ZNF578: variants seen among roughly 807,000 people sequenced by gnomAD.
ZNF578 encodes the protein zinc finger protein 578.
A neutral mutation model predicts 8.3 loss-of-function variants in ZNF578; 8 were observed. The observed-to-expected ratio is 0.96, with a 90% CI of 0.56 to 1.74. ZNF578 has a LOEUF of 1.74. Ranked by LOEUF, ZNF578 falls within the 40% of genes most tolerant of loss-of-function variation. The pLI is 0.00. For synonymous variants in ZNF578, 206 were observed against 232.2 expected (o/e 0.89, Z 1.03); for missense variants, 726 against 707.5 (o/e 1.03, Z -0.30).
At chr19:52,460,640 A>C (rs183207164) in intron 2 of ZNF578, among the ~76,000 whole-genome samples, 1 of 152,154 alleles carries the variant, frequency 6.6e-6, no homozygotes, top group South Asian at 2.1e-4. Context: ...AAAAACTTTA[A>C]GTTGGATGTA....
Position 52,512,395 on chromosome 19 carries a change from C to A in ZNF578, c.*241C>A, listed in dbSNP as rs2059452620. 8.8e-6 allele frequency: 13 copies of A among 1,477,966 alleles called. No homozygotes were observed. The South Asian group carries it at 1.2e-4, about 14-fold the overall frequency. The allele number at this position is 1,477,966 out of a possible 1,614,324, so 91.6% of individuals were successfully genotyped here. ...CAGTAACGCTACAACGATTGCAAAT[C>A]ATTGGAGAATCCATAATGAAGAGAG... On this transcript the variant is annotated 3_prime_UTR_variant, in exon 6 of 6. Coordinates refer to ENST00000421239, the MANE Select transcript of ZNF578 (RefSeq NM_001099694.2).
At chr19:52,501,714 G>A (rs1199204451) in intron 3 of ZNF578, 113 bp from the exon 4 acceptor site, 3 of 1,009,840 alleles carry the variant, frequency 3.0e-6, no homozygotes, top group African/African-American at 3.3e-5. Flanking sequence ...GGTGCAGTGG[G>A]CAGTGGGGGG....
intron 2 of ZNF578, among the ~76,000 whole-genome samples, chr19:52,471,945 T>TCATAAGG (rs11281209): frequency 6.6e-6 from 1 of 151,978 alleles, no homozygotes; most frequent in East Asian, 1.9e-4. Flanking sequence ...ATGTCACTAA[T>TCATAAGG]ACGAAAAAGA....
chr19:52,486,169 GTT>G lies in ZNF578; in HGVS notation c.-121-5153_-121-5152del, dbSNP rs369200313. Among the ~76,000 whole-genome samples the G allele has an allele frequency of 1.7e-3, 254 of 152,324 alleles. 1 individual carries two copies. Among genetic ancestry groups the G allele is most frequent in the South Asian group, 0.013 (64 of 4,824 alleles). On this transcript the variant is annotated intron_variant, in intron 2 of 5. Transcript: ENST00000421239. ...ATACTGCTCTTTAAGGCATTGAGGT[GTT>G]TATGTATATGCACATCAAAGGCACA... is the stretch of plus-strand genomic sequence containing the variant.
intron 2 of ZNF578, among the ~76,000 whole-genome samples, chr19:52,465,216 CG>C (rs1166180972): frequency 6.6e-6 from 1 of 151,988 alleles, no homozygotes; most frequent in Non-Finnish European, 1.5e-5. Flanking sequence ...TAATGAACTG[CG>C]GGGCAGGTAA....
chr19:52,473,828 C>A, intron 2 of ZNF578: 1 of 321,264 alleles, frequency 3.1e-6, no homozygotes, highest in South Asian at 7.6e-5. Context: ...AAGTTTCTCT[C>A]CTGTATGAAT....
Position 52,511,700 on chromosome 19 carries a change from C to T in ZNF578, c.1319C>T (p.Ser440Leu). The change falls in exon 6 of 6, where the codon TCA becomes TTA. Residue 440 changes from serine to leucine, a missense_variant. By Grantham distance (145) the Ser-to-Leu change is moderately radical. Transcript: ENST00000421239. ...TGTGGTAAGGCTTTTATTCATCAGT[C>T]AAGCCTTGCACGTCATCATAGACTT... is the stretch of plus-strand genomic sequence containing the variant. ...NDCGKAFIHQ[S>L]SLARHHRLHT... 6.2e-7 allele frequency: 1 copy of T among 1,613,866 alleles called. No homozygotes were observed. The highest frequency in any genetic ancestry group is 8.5e-7 in the Non-Finnish European group (1 of 1,179,942).
intron 2 of ZNF578, among the ~76,000 whole-genome samples, chr19:52,487,777 G>A (rs2059350582): frequency 6.6e-6 from 1 of 151,902 alleles, no homozygotes; most frequent in South Asian, 2.1e-4. Context: ...CCACAGCCAT[G>A]AGCCACCAAG....
intron 2 of ZNF578, chr19:52,457,863 ACACT>A (rs1308903920): frequency 6.5e-6 from 1 of 153,978 alleles, no homozygotes; most frequent in Non-Finnish European, 1.5e-5. Flanking sequence ...ATGTTTGCTC[ACACT>A]CACCCATGTC....
At position 52,511,164 on chromosome 19, in the gene ZNF578, T is replaced by C. The variant is rs754249443; in HGVS notation, c.783T>C (p.Phe261=). The C allele has an allele frequency of 5.0e-6, 8 of 1,614,074 alleles. No homozygotes were observed. Among genetic ancestry groups the C allele is most frequent in the Non-Finnish European group, 6.8e-6 (8 of 1,180,030 alleles). Residue 261 remains phenylalanine, a synonymous_variant, in exon 6 of 6, where the codon TTT becomes TTC. Coordinates refer to ENST00000421239, the MANE Select transcript of ZNF578 (RefSeq NM_001099694.2). The part of the protein sequence containing the change: ...IIHLGEKQYK[F]DICGKVFNEK... ...ATTTAGGAGAAAAACAATATAAATT[T>C]GATATATGTGGCAAAGTCTTTAATG...
At chr19:52,469,890 C>G (rs1321092997) in intron 2 of ZNF578, among the ~76,000 whole-genome samples, 5 of 152,232 alleles carry the variant, frequency 3.3e-5, no homozygotes, top group Admixed American at 2.0e-4. Flanking sequence ...TGCCAAAAAT[C>G]AGACACAAGC....
At chr19:52,458,361 A>C (rs961075544) in intron 2 of ZNF578, 9 of 150,520 alleles carry the variant, frequency 6.0e-5, no homozygotes, top group African/African-American at 1.5e-4. Flanking sequence ...ATTTTCTTAG[A>C]TCTCTCAAGG....
At chr19:52,496,947 AT>A (rs201176742) in intron 3 of ZNF578, among the ~76,000 whole-genome samples, 1 of 151,412 alleles carries the variant, frequency 6.6e-6, no homozygotes, top group Non-Finnish European at 1.5e-5. Flanking sequence ...TTTAATTTTT[AT>A]TTTTTTGAGA....
intron 2 of ZNF578, among the ~76,000 whole-genome samples, chr19:52,480,873 G>T (rs1216834469): frequency 6.7e-6 from 1 of 149,726 alleles, no homozygotes; most frequent in Non-Finnish European, 1.5e-5. Context: ...CCCAGTCTGG[G>T]TGACAGAGTG....
chr19:52,491,309 GT>G lies in ZNF578; in HGVS notation c.-121-12del. ...TGGACTTAATTGGAAACGTATTGGT[GT>G]TTATATTTTGTAGATATCTCTTCCA... On this transcript the variant is annotated splice_polypyrimidine_tract_variant and intron_variant, in intron 2 of 5. Transcript: ENST00000421239. 7.6e-6 allele frequency: 2 copies of G among 264,196 alleles called. No homozygotes were observed. Among genetic ancestry groups the G allele is most frequent in the Non-Finnish European group, 7.8e-6 (1 of 128,108 alleles). The allele number at this position is 264,196 out of a possible 1,614,324, so 16.4% of individuals were successfully genotyped here.
At position 52,510,727 on chromosome 19, in the gene ZNF578, C is replaced by G. The variant is rs1401970974; in HGVS notation, c.346C>G (p.Gln116Glu). The change falls in exon 6 of 6, where the codon CAG (glutamine) becomes GAG (glutamate). Residue 116 changes from glutamine (Q) to glutamate (E), a missense_variant. Gln to Glu is a conservative substitution (Grantham distance 29, BLOSUM62 2). Transcript: ENST00000421239. Reference protein sequence around the residue: ...IEKDIHDFEFQSQKDERNGHE... With the variant: ...IEKDIHDFEFESQKDERNGHE... ...AAAAGATATTCATGACTTTGAGTTT[C>G]AGTCACAAAAAGATGAAAGAAATGG... 1 of 1,612,800 alleles carries G rather than the reference C, an allele frequency of 6.2e-7. No individual in the cohort carries two copies. Among genetic ancestry groups the G allele is most frequent in the African/African-American group, 1.3e-5 (1 of 74,904 alleles).
Position 52,516,323 on chromosome 19 carries a change from C to T in ZNF578, c.*4169C>T, listed in dbSNP as rs139125521. On this transcript the variant is annotated 3_prime_UTR_variant, in exon 6 of 6. Coordinates refer to ENST00000421239, the MANE Select transcript of ZNF578 (RefSeq NM_001099694.2). ...GCATGGGGTTTCCTCAACTTTAGGT[C>T]TGTGCCCTGAAGGGGAGCTCATTCC... is the stretch of plus-strand genomic sequence containing the variant. 7.3e-3 allele frequency among the ~76,000 whole-genome samples: 1,106 copies of T among 152,280 alleles called. 13 individuals carry two copies. The highest frequency in any genetic ancestry group is 0.023 in the African/African-American group (964 of 41,564).
rs1045705724 is a variant in ZNF578 at position 52,516,462 on chromosome 19, A to G, written c.*4308A>G. Among the ~76,000 whole-genome samples the G allele has an allele frequency of 2.0e-5, 3 of 152,106 alleles. No homozygotes were observed. The highest frequency in any genetic ancestry group is 7.2e-5 in the African/African-American group (3 of 41,390). On this transcript the variant is annotated 3_prime_UTR_variant, in exon 6 of 6. Transcript: ENST00000421239. ...TGAGGAGGGCCGCAGGGGGGACTGT[A>G]TTTGCTCAGGGTGAGGTCTCCTTTG...
chr19:52,472,512 A>G (rs2059295128), intron 2 of ZNF578, among the ~76,000 whole-genome samples: 1 of 152,198 alleles, frequency 6.6e-6, no homozygotes, highest in Non-Finnish European at 1.5e-5. Context: ...TTTTTGCTAA[A>G]CAACAGCTAT....
Sources: gnomAD v4.1 joint callset for allele counts (sites outside exome capture counted in the v4.1 genomes callset) on GRCh38, gnomAD v4.1.1 for gene constraint, MANE v1.5 for transcripts, NCBI Gene and HGNC (gene_info 2026-07-23, HGNC 2026-07-21) for gene names.